The following CSMD1 variants were observed in gnomAD, a reference collection of about 807,000 sequenced individuals.
CSMD1 encodes the protein CUB and Sushi multiple domains 1.
Under a neutral mutation model 417.5 loss-of-function variants are expected in CSMD1, and 213 were observed. That is an observed-to-expected ratio of 0.51 (90% confidence interval 0.46 to 0.57). The LOEUF (loss-of-function observed/expected upper bound fraction) is 0.57, where lower values mean the gene tolerates loss of function less well. Among genes scored for constraint, CSMD1 ranks in the 20% least tolerant of loss-of-function variants. The probability of loss-of-function intolerance (pLI) is 0.00; values close to 1 mark genes in which losing one functional copy is unlikely to be tolerated. For missense variants in CSMD1, 6,923 were observed against 4,529.7 expected, an observed-to-expected ratio of 1.53 and a Z score of -15.17; for synonymous variants, 2,862 against 1,736.8, an observed-to-expected ratio of 1.65 and a Z score of -16.11.
chr8:4,299,293 C>T (rs1797854346), intron 3 of CSMD1, among the ~76,000 whole-genome samples: 1 of 152,052 alleles, frequency 6.6e-6, no homozygotes, highest in South Asian at 2.1e-4. Flanking sequence ...TTTCTTCACC[C>T]CCATCACCCC....
chr8:4,716,134 G>C (rs1275042258), intron 1 of CSMD1, among the ~76,000 whole-genome samples: 1 of 152,190 alleles, frequency 6.6e-6, no homozygotes, highest in Non-Finnish European at 1.5e-5. Context: ...GAGATGACCT[G>C]CCTGGTGAGC....
chr8:4,438,593 T>G (rs80048870), intron 2 of CSMD1, among the ~76,000 whole-genome samples: 2 of 152,144 alleles, frequency 1.3e-5, no homozygotes, highest in Non-Finnish European at 2.9e-5. Flanking sequence ...CACAGTCACA[T>G]TGTGCTGAAT....
intron 52 of CSMD1, among the ~76,000 whole-genome samples, chr8:3,010,106 G>C (rs919049368): frequency 6.6e-6 from 1 of 152,082 alleles, no homozygotes; most frequent in Non-Finnish European, 1.5e-5. Context: ...TCAAACTTCA[G>C]TCCAAATCCA....
At chr8:3,226,728 A>G (rs1798528511) in intron 27 of CSMD1, among the ~76,000 whole-genome samples, 1 of 152,190 alleles carries the variant, frequency 6.6e-6, no homozygotes. Context: ...TGAGGTATCC[A>G]AGCAACACTC....
At chr8:4,275,559 G>C (rs141977124) in intron 3 of CSMD1, among the ~76,000 whole-genome samples, 30 of 152,214 alleles carry the variant, frequency 2.0e-4, no homozygotes, top group African/African-American at 2.9e-4. Context: ...CAAAACTTCT[G>C]AGTGTTCCTA....
At chr8:3,453,121 T>G (rs1273784058) in intron 12 of CSMD1, among the ~76,000 whole-genome samples, 2 of 152,236 alleles carry the variant, frequency 1.3e-5, no homozygotes, top group African/African-American at 4.8e-5. Context: ...GGTTATAGTA[T>G]TCTCTGATGG....
At chr8:4,137,119 A>T (rs1199699103) in intron 3 of CSMD1, among the ~76,000 whole-genome samples, 1 of 152,212 alleles carries the variant, frequency 6.6e-6, no homozygotes, top group Non-Finnish European at 1.5e-5. Context: ...CAAAATGTGG[A>T]ACAGAGAATA....
chr8:4,676,962 CATATATA>C (rs1319170225), intron 1 of CSMD1, among the ~76,000 whole-genome samples: 3 of 144,074 alleles, frequency 2.1e-5, no homozygotes, highest in African/African-American at 7.6e-5. Context: ...ATATATCTAT[CATATATA>C]ATATATATTA....
chr8:4,865,176 A>G (rs1255815552), intron 1 of CSMD1, among the ~76,000 whole-genome samples: 1 of 151,804 alleles, frequency 6.6e-6, no homozygotes, highest in Non-Finnish European at 1.5e-5. Flanking sequence ...TACTTTAATG[A>G]CATGTTCTAA....
intron 3 of CSMD1, among the ~76,000 whole-genome samples, chr8:4,339,782 G>C (rs189620438): frequency 9.2e-5 from 14 of 152,192 alleles, no homozygotes; most frequent in South Asian, 2.1e-4. Context: ...CTAATGCTTT[G>C]GGAGAATGAG....
At chr8:4,713,057 T>C (rs1385288761) in intron 1 of CSMD1, among the ~76,000 whole-genome samples, 1 of 152,232 alleles carries the variant, frequency 6.6e-6, no homozygotes, top group Non-Finnish European at 1.5e-5. Flanking sequence ...AAAGGTCTTC[T>C]GCCAGAATCG....
chr8:4,791,905 C>A (rs527863867), intron 1 of CSMD1, among the ~76,000 whole-genome samples: 1 of 151,522 alleles, frequency 6.6e-6, no homozygotes, highest in Admixed American at 6.6e-5. Context: ...TCATCTTATT[C>A]GAAAAGGTAG....
intron 1 of CSMD1, among the ~76,000 whole-genome samples, chr8:4,978,954 G>C (rs1810721199): frequency 6.6e-6 from 1 of 152,106 alleles, no homozygotes; most frequent in African/African-American, 2.4e-5. Context: ...AAAGACATTA[G>C]GATCTTTAGA....
At chr8:4,884,968 A>G (rs535719357) in intron 1 of CSMD1, among the ~76,000 whole-genome samples, 63 of 152,268 alleles carry the variant, frequency 4.1e-4, no homozygotes, top group Middle Eastern at 6.8e-3. Flanking sequence ...AAATCTCCCA[A>G]CACAGAAATT....
At chr8:4,010,684 G>C (rs553828284) in intron 4 of CSMD1, among the ~76,000 whole-genome samples, 1 of 152,100 alleles carries the variant, frequency 6.6e-6, no homozygotes, top group Non-Finnish European at 1.5e-5. Flanking sequence ...CCCTGACTCT[G>C]CCTCCCCTTC....
chr8:3,865,998 G>C (rs1368794248), intron 5 of CSMD1, among the ~76,000 whole-genome samples: 1 of 152,154 alleles, frequency 6.6e-6, no homozygotes, highest in Admixed American at 6.5e-5. Flanking sequence ...ATCATCTGTA[G>C]TCATGTTAGT....
intron 41 of CSMD1, among the ~76,000 whole-genome samples, chr8:3,136,753 G>A (rs1054504338): frequency 2.0e-5 from 3 of 152,112 alleles, no homozygotes; most frequent in African/African-American, 2.4e-5. Flanking sequence ...AAGTAACTGT[G>A]AATCCCACCA....
intron 1 of CSMD1, among the ~76,000 whole-genome samples, chr8:4,671,910 C>T (rs1334782657): frequency 6.6e-6 from 1 of 152,170 alleles, no homozygotes; most frequent in Non-Finnish European, 1.5e-5. Flanking sequence ...AGTTGCCAAG[C>T]ATGCCAGTGG....
At chr8:4,698,613 G>A (rs1807293441) in intron 1 of CSMD1, among the ~76,000 whole-genome samples, 1 of 63,560 alleles carries the variant, frequency 1.6e-5, no homozygotes. Flanking sequence ...TTTTTTTTTG[G>A]TTCTAAGGAG....
Sources: gnomAD v4.1 joint callset for allele counts (sites outside exome capture counted in the v4.1 genomes callset) on GRCh38, gnomAD v4.1.1 for gene constraint, MANE v1.5 for transcripts, NCBI Gene and HGNC (gene_info 2026-07-23, HGNC 2026-07-21) for gene names.